ZNF665: variants seen among roughly 807,000 people sequenced by gnomAD.
ZNF665 encodes zinc finger protein 665.
In ZNF665, 6 loss-of-function variants were observed where a neutral mutation model predicts 7.9. That is an observed-to-expected ratio of 0.76 (90% CI 0.42 to 1.50). The LOEUF (loss-of-function observed/expected upper bound fraction) is 1.50. Ranked by LOEUF, ZNF665 falls within the 40% of genes most tolerant of loss-of-function variation. The probability of loss-of-function intolerance (pLI) is 0.01; values close to 1 mark genes in which losing one functional copy is unlikely to be tolerated. For missense variants in ZNF665, 819 were observed against 806.7 expected (o/e 1.02, Z -0.18); for synonymous variants, 242 against 274.5 (o/e 0.88, Z 1.17).
At chr19:53,185,033 C>T (rs2146883667) in intron 1 of ZNF665, among the ~76,000 whole-genome samples, 1 of 152,272 alleles carries the variant, frequency 6.6e-6, no homozygotes, top group South Asian at 2.1e-4. Context: ...GCCAGGTGTA[C>T]AGGATGGAAC....
In ZNF665 at chr19:53,175,483, T is replaced by A; in HGVS notation, c.104A>T (p.Asp35Val). The part of the protein sequence containing the change: ...LDPAQKTLYR[D>V]VMLENYRNLV... ...GTTCCTATAATTCTCCAACATGACG[T>A]CCCTGTACAAAGTCTTCTGAGCAGG... is the stretch of plus-strand genomic sequence containing the variant. The change falls in exon 3 of 4, where the codon GAC (aspartate) becomes GTC (valine). Residue 35 changes from aspartate to valine, a missense_variant. Coordinates refer to ENST00000396424, the MANE Select transcript of ZNF665 (RefSeq NM_024733.5). 1 of 1,612,848 alleles carries A rather than the reference T, an allele frequency of 6.2e-7. No individual in the cohort carries two copies. Among genetic ancestry groups the A allele is most frequent in the Non-Finnish European group, 8.5e-7 (1 of 1,179,610 alleles).
At chr19:53,170,469 T>A (rs2090649208) in intron 3 of ZNF665, among the ~76,000 whole-genome samples, 1 of 152,224 alleles carries the variant, frequency 6.6e-6, no homozygotes, top group African/African-American at 2.4e-5. Flanking sequence ...CCCCACCCTC[T>A]TGTAACCAAC....
chr19:53,189,362 G>T (rs12232807), intron 1 of ZNF665, among the ~76,000 whole-genome samples: 1 of 151,056 alleles, frequency 6.6e-6, no homozygotes, highest in South Asian at 2.1e-4. Context: ...TAGTGGCCCC[G>T]AATGTCTGGC....
chr19:53,162,603 C>T lies in ZNF665; in HGVS notation c.*1850G>A, dbSNP rs2090573434. 1 of 151,982 alleles carries T rather than the reference C, an allele frequency of 6.6e-6. No individual in the cohort carries two copies. Among genetic ancestry groups the T allele is most frequent in the Admixed American group, 6.6e-5 (1 of 15,260 alleles). 9.4% of individuals were successfully genotyped at this position (151,982 alleles called of 1,614,324 possible). ...GGCACGGTGGCTCCAGCCCGTAATCCCAGCACTTTGGCAGGCCAAGGTGGG... is the reference window on the plus strand; with the variant it reads ...GGCACGGTGGCTCCAGCCCGTAATCTCAGCACTTTGGCAGGCCAAGGTGGG... On this transcript the variant is annotated 3_prime_UTR_variant, in exon 4 of 4. Transcript: ENST00000396424.
At chr19:53,193,266 A>AG (rs1244558660) in intron 1 of ZNF665, 46 bp downstream of exon 1, 3 of 151,908 alleles carry the variant, frequency 2.0e-5, no homozygotes, top group Non-Finnish European at 2.9e-5. Flanking sequence ...ACGGAGGAGC[A>AG]GGGGACTCCG....
intron 2 of ZNF665, chr19:53,182,681 C>A (rs548758048): frequency 2.6e-5 from 27 of 1,046,986 alleles, no homozygotes; most frequent in African/African-American, 1.7e-4. Context: ...GTCCATGCCC[C>A]GTGCAGCCTC....
intron 3 of ZNF665, among the ~76,000 whole-genome samples, chr19:53,172,311 G>C (rs550029112): frequency 4.9e-4 from 74 of 152,178 alleles, no homozygotes; most frequent in African/African-American, 1.7e-3. Context: ...GGATAATATA[G>C]TACTTTTATT....
intron 3 of ZNF665, among the ~76,000 whole-genome samples, chr19:53,167,011 C>CTTTCT (rs909166443): frequency 1.1e-4 from 16 of 151,558 alleles, no homozygotes; most frequent in Admixed American, 2.0e-4. Context: ...TTCTTTCTTT[C>CTTTCT]TTTTTTTTGA....
chr19:53,175,704 CG>C lies in ZNF665; in HGVS notation c.16-134del, dbSNP rs554951704. The C allele has an allele frequency of 2.6e-3, 2,597 of 1,000,284 alleles. 9 individuals carry two copies. Among genetic ancestry groups the C allele is most frequent in the Non-Finnish European group, 3.0e-3 (2,057 of 689,228 alleles). 62.0% of individuals were successfully genotyped at this position (1,000,284 alleles called of 1,614,324 possible). On this transcript the variant is annotated intron_variant, in intron 2 of 3. Transcript: ENST00000396424. ...GACTGACACATCCAGGCTGTGATCA[CG>C]GTACATACAGATTTGATCTTCCTCC...
At position 53,174,879 on chromosome 19, in the gene ZNF665, C is replaced by T. The variant is rs1006000399; in HGVS notation, c.142+566G>A. Among the ~76,000 whole-genome samples the T allele has an allele frequency of 6.3e-5, 9 of 141,932 alleles. 1 individual carries two copies. The highest frequency in any genetic ancestry group is 3.8e-3 in the Middle Eastern group (1 of 264). 93.1% of individuals were successfully genotyped at this position (141,932 alleles called of 152,430 possible). ...GCTTGAACTCAGGAGGCGGTAGTTG[C>T]GGTTGCAGTGATCCGAGATCGTGCC... On this transcript the variant is annotated intron_variant, in intron 3 of 3. Transcript: ENST00000396424.
intron 1 of ZNF665, among the ~76,000 whole-genome samples, chr19:53,189,751 G>C (rs983347772): frequency 7.9e-5 from 12 of 150,946 alleles, no homozygotes; most frequent in South Asian, 4.3e-4. Flanking sequence ...TGGAGGAGTA[G>C]AGTCTTCTCT....
chr19:53,164,860 A>G lies in ZNF665; in HGVS notation c.1630T>C (p.Cys544Arg), dbSNP rs564675672. 2,954 of 1,614,142 alleles carry G rather than the reference A, an allele frequency of 1.8e-3. 70 individuals are homozygous for G. In the South Asian group the frequency reaches 0.031, roughly 17 times the overall value. Residue 544 changes from cysteine (C) to arginine (R), a missense_variant, in exon 4 of 4, where the codon TGT becomes CGT. By Grantham distance (180) the Cys-to-Arg change is radical (BLOSUM62 -3). Coordinates refer to ENST00000396424, the MANE Select transcript of ZNF665 (RefSeq NM_024733.5). ...CTGAAGACCTTGCCGCAATCATTAC[A>G]TTTGTATGGTTTTTGTCCAGTATGT... Reference protein sequence around the residue: ...TIHTGQKPYKCNDCGKVFRHN... With the variant: ...TIHTGQKPYKRNDCGKVFRHN...
At position 53,165,826 on chromosome 19, in the gene ZNF665, T is replaced by C; in HGVS notation, c.664A>G (p.Thr222Ala). The C allele has an allele frequency of 6.2e-7, 1 of 1,614,110 alleles. No homozygotes were observed. The highest frequency in any genetic ancestry group is 1.1e-5 in the South Asian group (1 of 91,078). Residue 222 changes from threonine (T) to alanine (A), a missense_variant, in exon 4 of 4, where the codon ACA becomes GCA. By Grantham distance (58) the Thr-to-Ala change is moderately conservative. Transcript: ENST00000396424. ...CCAGTATGGATGACCTGATGGATTG[T>C]TAGGTTTGAACGAACAGTAAAGGCT... ...GKAFTVRSNL[T>A]IHQVIHTGEK...
At chr19:53,166,459 T>G (rs1256000565) in intron 3 of ZNF665, 112 bp from the exon 4 acceptor site, 2 of 999,180 alleles carry the variant, frequency 2.0e-6, no homozygotes, top group Non-Finnish European at 1.4e-6. Context: ...TGAACAGACT[T>G]ACGATTCTTC....
intron 1 of ZNF665, among the ~76,000 whole-genome samples, chr19:53,192,181 A>T (rs1203891876): frequency 2.0e-5 from 3 of 151,014 alleles, no homozygotes; most frequent in Admixed American, 2.0e-4. Context: ...GGTTGTCCCC[A>T]ATCTCCATCT....
intron 2 of ZNF665, among the ~76,000 whole-genome samples, chr19:53,176,472 T>A (rs543734403): frequency 6.6e-6 from 1 of 152,170 alleles, no homozygotes; most frequent in Non-Finnish European, 1.5e-5. Context: ...CTTTGTTATA[T>A]CCTCAGCAAT....
chr19:53,167,454 T>A (rs1568655618), intron 3 of ZNF665, among the ~76,000 whole-genome samples: 1 of 115,116 alleles, frequency 8.7e-6, no homozygotes, highest in Non-Finnish European at 2.1e-5. Context: ...TGTCAACAAT[T>A]TCTCTCTCTT....
intron 1 of ZNF665, among the ~76,000 whole-genome samples, chr19:53,183,703 A>G (rs933352071): frequency 2.6e-5 from 4 of 152,092 alleles, no homozygotes; most frequent in African/African-American, 9.7e-5. Context: ...TGAGGAAGTG[A>G]TATCAGAACA....
At chr19:53,176,478 G>T (rs899279504) in intron 2 of ZNF665, among the ~76,000 whole-genome samples, 2 of 152,088 alleles carry the variant, frequency 1.3e-5, no homozygotes, top group African/African-American at 4.8e-5. Context: ...TATATCCTCA[G>T]CAATAAATGA....
Sources: allele counts gnomAD v4.1 joint callset (sites outside exome capture counted in the v4.1 genomes callset), GRCh38; gene constraint gnomAD v4.1.1; transcripts MANE v1.5; gene names NCBI Gene and HGNC (gene_info 2026-07-23, HGNC 2026-07-21).